BARD1: variants seen among roughly 807,000 people sequenced by gnomAD.
BARD1 encodes the protein BRCA1 associated RING domain 1, also known as BRCA1-associated RING domain protein 1.
BARD1 carries 73 observed loss-of-function variants against 77.0 expected under a neutral mutation model. The observed-to-expected ratio is 0.95, with a 90% CI of 0.79 to 1.15. The LOEUF is 1.15. Ranked by LOEUF, BARD1 falls within the 50% of genes most tolerant of loss-of-function variation. BARD1 has a pLI of 0.00. For synonymous variants in BARD1, 384 were observed against 338.0 expected (o/e 1.14, Z -1.49); for missense variants, 993 against 938.8 (o/e 1.06, Z -0.75).
intron 3 of BARD1, among the ~76,000 whole-genome samples, chr2:214,789,958 T>C (rs1695441445): frequency 2.6e-5 from 4 of 152,116 alleles, no homozygotes. Context: ...ATCTCTCCAA[T>C]CTCCAACTCT....
Position 214,725,803 on chromosome 2 carries a change from C to CAA in BARD1, c.*2872_*2873insTT, listed in dbSNP as rs1186816551. ...AAATAAGACAAGCATTAGTTCCTAC[C>CAA]ATTTTAATGTGTTCAGGGTAGGAAA... On this transcript the variant is annotated 3_prime_UTR_variant, in exon 11 of 11. Transcript: ENST00000260947. 1 of 221,774 alleles carries CAA rather than the reference C, an allele frequency of 4.5e-6. No individual in the cohort carries two copies. Among genetic ancestry groups the CAA allele is most frequent in the Non-Finnish European group, 9.0e-6 (1 of 110,936 alleles). The allele number at this position is 221,774 out of a possible 1,614,324, so 13.7% of individuals were successfully genotyped here.
At chr2:214,771,085 G>T (rs1331588751) in intron 4 of BARD1, among the ~76,000 whole-genome samples, 1 of 152,224 alleles carries the variant, frequency 6.6e-6, no homozygotes, top group African/African-American at 2.4e-5. Context: ...GCAGCGGGAT[G>T]AAGGTAAAAA....
intron 9 of BARD1, among the ~76,000 whole-genome samples, chr2:214,733,134 C>A (rs745763694): frequency 3.3e-5 from 5 of 152,130 alleles, no homozygotes; most frequent in Non-Finnish European, 5.9e-5. Context: ...TCACTAATAG[C>A]AAAGTTAAAG....
At chr2:214,740,383 C>T (rs1266447676) in intron 9 of BARD1, among the ~76,000 whole-genome samples, 1 of 144,910 alleles carries the variant, frequency 6.9e-6, no homozygotes, top group African/African-American at 2.5e-5. Flanking sequence ...ATTATTACAA[C>T]TTGAAAATTT....
intron 6 of BARD1, among the ~76,000 whole-genome samples, chr2:214,764,708 G>A (rs1345218518): frequency 6.6e-6 from 1 of 152,134 alleles, no homozygotes; most frequent in Non-Finnish European, 1.5e-5. Flanking sequence ...AAATGACTTG[G>A]CCAGACTCGT....
rs763378916 is a variant in BARD1 at position 214,781,139 on chromosome 2, T to C, written c.735A>G (p.Gln245=). 14 of 1,574,408 alleles carry C rather than the reference T, an allele frequency of 8.9e-6. No individual in the cohort carries two copies. The highest frequency in any genetic ancestry group is 1.2e-5 in the South Asian group (1 of 82,750). The change falls in exon 4 of 11, where the codon CAA becomes CAG. Residue 245 remains glutamine, a synonymous_variant. Coordinates refer to ENST00000260947, the MANE Select transcript of BARD1 (RefSeq NM_000465.4). ...TCTGAGGACTGGAGATAACAGATGG[T>C]TGGCTACAGAAGGATACCAGCTTTT... ...SKQKLVSFCS[Q]PSVISSPQIN...
intron 1 of BARD1, among the ~76,000 whole-genome samples, chr2:214,805,892 T>C (rs1319068731): frequency 6.6e-6 from 1 of 152,182 alleles, no homozygotes; most frequent in Non-Finnish European, 1.5e-5. Context: ...CTCAAAAATA[T>C]GCCAAGAGGT....
At chr2:214,795,788 C>T (rs1172065184) in intron 2 of BARD1, among the ~76,000 whole-genome samples, 1 of 152,104 alleles carries the variant, frequency 6.6e-6, no homozygotes, top group Non-Finnish European at 1.5e-5. Flanking sequence ...ATTACCCAGG[C>T]AGGAAAAGGC....
At chr2:214,789,765 GA>G (rs1695431951) in intron 3 of BARD1, among the ~76,000 whole-genome samples, 2 of 152,074 alleles carry the variant, frequency 1.3e-5, no homozygotes, top group African/African-American at 4.8e-5. Flanking sequence ...CGGGATTAAA[GA>G]TGACCTTCGT....
chr2:214,777,863 T>C (rs1009686312), intron 4 of BARD1, among the ~76,000 whole-genome samples: 6 of 152,312 alleles, frequency 3.9e-5, no homozygotes, highest in African/African-American at 1.4e-4. Context: ...CATTCTTGGC[T>C]GCAAATGAGA....
chr2:214,730,498 T>C lies in BARD1; in HGVS notation c.1914A>G (p.Ala638=), dbSNP rs876658489. 6.2e-7 allele frequency: 1 copy of C among 1,613,644 alleles called. No individual in the cohort carries two copies. Among genetic ancestry groups the C allele is most frequent in the Non-Finnish European group, 8.5e-7 (1 of 1,179,620 alleles). Residue 638 remains alanine, a synonymous_variant, in exon 10 of 11, where the codon GCA becomes GCG. Coordinates refer to ENST00000260947, the MANE Select transcript of BARD1 (RefSeq NM_000465.4). Reference sequence around the variant, plus strand: ...GTTCACATACTTTTCTTCGTAGACATGCTTTTACCCCTGACAAAAACACAA... The same window carrying C: ...GTTCACATACTTTTCTTCGTAGACACGCTTTTACCCCTGACAAAAACACAA... ...CWILKFEWVK[A]CLRRKVCEQE... is the part of the protein sequence containing the mutation.
chr2:214,798,592 A>C (rs928589782), intron 1 of BARD1, among the ~76,000 whole-genome samples: 2 of 151,882 alleles, frequency 1.3e-5, no homozygotes, highest in African/African-American at 4.8e-5. Context: ...TCAGTTTCCT[A>C]GCACCTTGGA....
intron 6 of BARD1, among the ~76,000 whole-genome samples, chr2:214,753,022 C>T (rs1312051182): frequency 6.6e-6 from 1 of 152,068 alleles, no homozygotes; most frequent in African/African-American, 2.4e-5. Context: ...TAACAGGGTA[C>T]TTTAAAAATT....
At chr2:214,743,951 C>T (rs1194420566) in intron 9 of BARD1, among the ~76,000 whole-genome samples, 1 of 152,144 alleles carries the variant, frequency 6.6e-6, no homozygotes, top group East Asian at 1.9e-4. Context: ...AGATACGCAA[C>T]TGTATTGCTC....
intron 1 of BARD1, among the ~76,000 whole-genome samples, chr2:214,801,352 A>C (rs931169501): frequency 6.6e-6 from 1 of 152,222 alleles, no homozygotes; most frequent in African/African-American, 2.4e-5. Flanking sequence ...AACCTCTTGA[A>C]GGATACACAA....
At chr2:214,772,927 T>C (rs1442505267) in intron 4 of BARD1, among the ~76,000 whole-genome samples, 1 of 152,218 alleles carries the variant, frequency 6.6e-6, no homozygotes, top group Admixed American at 6.5e-5. Flanking sequence ...CCTCACAACT[T>C]GAAAGAATAA....
chr2:214,781,843 TA>T (rs1381587902), intron 3 of BARD1, among the ~76,000 whole-genome samples: 1 of 152,168 alleles, frequency 6.6e-6, no homozygotes, highest in Non-Finnish European at 1.5e-5. Context: ...AAATACTTAT[TA>T]AAGAATTCTA....
intron 4 of BARD1, among the ~76,000 whole-genome samples, chr2:214,772,176 C>T (rs1305842156): frequency 6.6e-6 from 1 of 151,946 alleles, no homozygotes; most frequent in Non-Finnish European, 1.5e-5. Context: ...ACTATGTTGC[C>T]CAAACTAATG....
At chr2:214,743,588 A>AT (rs1246626376) in intron 9 of BARD1, among the ~76,000 whole-genome samples, 35 of 114,022 alleles carry the variant, frequency 3.1e-4, no homozygotes, top group African/African-American at 1.1e-3. Flanking sequence ...TTCACTAGTT[A>AT]TTTATTTTTT....
Sources: gnomAD v4.1 joint callset for allele counts (sites outside exome capture counted in the v4.1 genomes callset) on GRCh38, gnomAD v4.1.1 for gene constraint, MANE v1.5 for transcripts, NCBI Gene and HGNC (gene_info 2026-07-23, HGNC 2026-07-21) for gene names.